Variants in PRKN observed in about 807,000 individuals in gnomAD.
PRKN encodes E3 ubiquitin-protein ligase parkin.
Under a neutral mutation model 59.5 loss-of-function variants are expected in PRKN, and 56 were observed. The observed-to-expected ratio is 0.94, with a 90% CI of 0.76 to 1.18. The LOEUF is 1.18. PRKN is among the 50% of genes most tolerant of loss of function. PRKN has a pLI of 0.00. For missense variants in PRKN, 657 were observed against 596.4 expected, an observed-to-expected ratio of 1.10 and a Z score of -1.06; for synonymous variants, 250 against 222.1, an observed-to-expected ratio of 1.13 and a Z score of -1.12.
chr6:161,634,035 C>CACAT (rs1783418978), intron 7 of PRKN, among the ~76,000 whole-genome samples: 2 of 150,854 alleles, frequency 1.3e-5, no homozygotes, highest in African/African-American at 4.9e-5. Context: ...CACACACACA[C>CACAT]ACATCCCCCA....
At chr6:161,993,996 C>CA (rs1347030814) in intron 5 of PRKN, among the ~76,000 whole-genome samples, 1 of 152,084 alleles carries the variant, frequency 6.6e-6, no homozygotes, top group Non-Finnish European at 1.5e-5. Flanking sequence ...TCCCATGACC[C>CA]AAACACCTCC....
rs550070022 is a variant in PRKN at position 161,622,139 on chromosome 6, C to T, written c.872-52723G>A. Among the ~76,000 whole-genome samples, 12 of 152,184 alleles carry T rather than the reference C, an allele frequency of 7.9e-5. No homozygotes were observed. The South Asian group carries it at 2.5e-3, about 32-fold the overall frequency. On this transcript the variant is annotated intron_variant, in intron 7 of 11. Transcript: ENST00000366898. Reference sequence around the variant, plus strand: ...TCATGGTGAGTGAGAGGAGGGGTCCCCAGGCTGTTTGCAGATGGGGGGCTG... The same window carrying T: ...TCATGGTGAGTGAGAGGAGGGGTCCTCAGGCTGTTTGCAGATGGGGGGCTG...
chr6:161,979,843 C>T lies in PRKN; in HGVS notation c.619-6426G>A, dbSNP rs141479418. 3.3e-3 allele frequency among the ~76,000 whole-genome samples: 496 copies of T among 152,260 alleles called. 3 individuals are homozygous for T. The highest frequency in any genetic ancestry group is 0.011 in the African/African-American group (470 of 41,544). ...TGGACTGTGGTATTCCTGGAAGCCACTCCTGCTCACTTATGTCCCTTCACC... is the reference window on the plus strand; with the variant it reads ...TGGACTGTGGTATTCCTGGAAGCCATTCCTGCTCACTTATGTCCCTTCACC... On this transcript the variant is annotated intron_variant, in intron 5 of 11. Transcript: ENST00000366898.
chr6:162,590,922 G>C (rs929259818), intron 1 of PRKN, among the ~76,000 whole-genome samples: 48 of 152,152 alleles, frequency 3.2e-4, no homozygotes, highest in African/African-American at 1.1e-3. Context: ...TCCAGGCCTC[G>C]TATCAACTAG....
At chr6:162,043,534 G>C (rs967685307) in intron 5 of PRKN, among the ~76,000 whole-genome samples, 1 of 152,176 alleles carries the variant, frequency 6.6e-6, no homozygotes, top group Non-Finnish European at 1.5e-5. Context: ...GAGGCCAATG[G>C]CCATGGACAT....
intron 9 of PRKN, among the ~76,000 whole-genome samples, chr6:161,504,540 A>ATT (rs1778081535): frequency 8.0e-6 from 1 of 125,658 alleles, no homozygotes; most frequent in Non-Finnish European, 1.8e-5. Flanking sequence ...TTTTATTATT[A>ATT]TACTTTAAGT....
chr6:161,370,232 AAC>A (rs532059638), intron 10 of PRKN, among the ~76,000 whole-genome samples: 2 of 150,708 alleles, frequency 1.3e-5, no homozygotes, highest in African/African-American at 2.4e-5. Context: ...TGTCTCTATA[AAC>A]ACACACACAC....
At chr6:161,856,252 C>T (rs1583253561) in intron 6 of PRKN, among the ~76,000 whole-genome samples, 1 of 151,902 alleles carries the variant, frequency 6.6e-6, no homozygotes, top group African/African-American at 2.4e-5. Flanking sequence ...CCCAGCTGCT[C>T]GGGAAGCTGA....
chr6:162,658,554 G>A (rs1468998438), intron 1 of PRKN, among the ~76,000 whole-genome samples: 1 of 151,456 alleles, frequency 6.6e-6, no homozygotes, highest in Non-Finnish European at 1.5e-5. Context: ...CCAGCTACTA[G>A]GGAGGCTGAG....
intron 2 of PRKN, among the ~76,000 whole-genome samples, chr6:162,303,899 T>C (rs139136485): frequency 6.6e-4 from 100 of 152,058 alleles, no homozygotes; most frequent in African/African-American, 2.1e-3. Context: ...AATGGGAGGA[T>C]AGGAATGAGG....
chr6:161,843,020 C>T (rs1279366405), intron 6 of PRKN, among the ~76,000 whole-genome samples: 1 of 152,076 alleles, frequency 6.6e-6, no homozygotes, highest in East Asian at 1.9e-4. Flanking sequence ...GTATGACAGG[C>T]GATCCTTGGA....
At chr6:162,040,778 A>G (rs1784039842) in intron 5 of PRKN, among the ~76,000 whole-genome samples, 1 of 151,994 alleles carries the variant, frequency 6.6e-6, no homozygotes, top group Non-Finnish European at 1.5e-5. Context: ...GAACCACGCA[A>G]GGATGAATAG....
intron 2 of PRKN, among the ~76,000 whole-genome samples, chr6:162,295,112 C>T (rs150161151): frequency 1.9e-3 from 282 of 152,288 alleles, no homozygotes; most frequent in Non-Finnish European, 2.3e-3. Flanking sequence ...GTGTGAGAAG[C>T]GGCATGCACG....
At chr6:162,065,585 T>A (rs57993165) in intron 4 of PRKN, among the ~76,000 whole-genome samples, 274 of 151,912 alleles carry the variant, frequency 1.8e-3, no homozygotes, top group African/African-American at 6.5e-3. Context: ...TTTAAAAAAA[T>A]TATATGTTAA....
rs539290230 is a variant in PRKN, at chr6:162,014,190, T to C, written c.618+39901A>G. Reference sequence around the variant, plus strand: ...ATAAAAATCAGCAGACATGCATACTTTCAGTGTGGGGCCTGGTTAAAAACC... The same window carrying C: ...ATAAAAATCAGCAGACATGCATACTCTCAGTGTGGGGCCTGGTTAAAAACC... On this transcript the variant is annotated intron_variant, in intron 5 of 11. Transcript: ENST00000366898. 1.5e-3 allele frequency among the ~76,000 whole-genome samples: 235 copies of C among 152,260 alleles called. 2 individuals carry two copies. The highest frequency in any genetic ancestry group is 4.9e-3 in the African/African-American group (204 of 41,556).
chr6:161,619,981 C>CTTTTTT (rs71004058), intron 7 of PRKN, among the ~76,000 whole-genome samples: 39 of 63,164 alleles, frequency 6.2e-4, no homozygotes, highest in East Asian at 1.0e-3. Flanking sequence ...ACACATTATT[C>CTTTTTT]TTTTTTTTTT....
rs1790748639 is a variant in PRKN, at chr6:161,470,662, C to T, written c.1083+78192G>A. Among the ~76,000 whole-genome samples, 1 of 152,232 alleles carries T rather than the reference C, an allele frequency of 6.6e-6. No homozygotes were observed. Among genetic ancestry groups the T allele is most frequent in the South Asian group, 2.1e-4 (1 of 4,830 alleles). Reference sequence around the variant, plus strand: ...TGCCCTTCAGACTATGCCCCAGGCACCTGAGCCCCAGAATTCCCTGCCCAA... The same window carrying T: ...TGCCCTTCAGACTATGCCCCAGGCATCTGAGCCCCAGAATTCCCTGCCCAA... On this transcript the variant is annotated intron_variant, in intron 9 of 11. Coordinates refer to ENST00000366898, the MANE Select transcript of PRKN (RefSeq NM_004562.3). The surrounding 1 kb of genome is among the most constrained non-coding windows in gnomAD (Gnocchi z 5.1).
At chr6:161,616,110 G>C (rs561785075) in intron 7 of PRKN, among the ~76,000 whole-genome samples, 1 of 152,190 alleles carries the variant, frequency 6.6e-6, no homozygotes, top group East Asian at 1.9e-4. Context: ...CTGAACTCTC[G>C]TGTGGCCTGT....
intron 6 of PRKN, among the ~76,000 whole-genome samples, chr6:161,846,349 C>T (rs1341782461): frequency 6.6e-6 from 1 of 152,066 alleles, no homozygotes; most frequent in African/African-American, 2.4e-5. Flanking sequence ...TACCACATAC[C>T]AGGTAATAGG....
Sources: allele counts gnomAD v4.1 joint callset (sites outside exome capture counted in the v4.1 genomes callset), GRCh38; gene constraint gnomAD v4.1.1; non-coding constraint Gnocchi (gnomAD v3.1); transcripts MANE v1.5; gene names NCBI Gene and HGNC (gene_info 2026-07-23, HGNC 2026-07-21).